Variants in NUP214 observed in about 807,000 individuals in gnomAD.
NUP214 encodes the protein nuclear pore complex protein Nup214.
NUP214 carries 79 observed loss-of-function variants against 196.2 expected under a neutral mutation model. The ratio of observed to expected loss-of-function variants is 0.40; its 90% CI spans 0.34 to 0.49. NUP214 has a LOEUF of 0.49. Ranked by LOEUF, NUP214 falls within the 20% of genes least tolerant of loss-of-function variation. The probability of loss-of-function intolerance (pLI) is 0.58; values close to 1 mark genes in which losing one functional copy is unlikely to be tolerated. For synonymous variants in NUP214, 1,020 were observed against 990.5 expected, an observed-to-expected ratio of 1.03 and a Z score of -0.56; for missense variants, 2,468 against 2,539.0, an observed-to-expected ratio of 0.97 and a Z score of 0.60.
chr9:131,188,950 G>T (rs1419518471), intron 25 of NUP214, 103 bp from the exon 26 acceptor site: 12 of 824,344 alleles, frequency 1.5e-5, no homozygotes, highest in Admixed American at 2.3e-5. Context: ...ATTTGTCCTT[G>T]CTTATTTTAA....
At chr9:131,141,138 C>CAA (rs5900924) in intron 11 of NUP214, among the ~76,000 whole-genome samples, 2,797 of 132,580 alleles carry the variant, frequency 0.021, 81 homozygotes, top group African/African-American at 0.07. Context: ...AATACATCAC[C>CAA]AAAAAAAAAA....
At chr9:131,139,230 CTTT>C (rs1831832413) in intron 9 of NUP214, 48 bp from the exon 10 acceptor site, 1 of 1,425,588 alleles carries the variant, frequency 7.0e-7, no homozygotes, top group South Asian at 1.5e-5. Flanking sequence ...ACCAACATGG[CTTT>C]TTCTTTTTTC....
chr9:131,146,745 C>G lies in NUP214; in HGVS notation c.1945+441C>G, dbSNP rs1486617140. 6.6e-6 allele frequency among the ~76,000 whole-genome samples: 1 copy of G among 152,126 alleles called. No individual in the cohort carries two copies. Among genetic ancestry groups the G allele is most frequent in the Non-Finnish European group, 1.5e-5 (1 of 68,022 alleles). On this transcript the variant is annotated intron_variant, in intron 13 of 35. Coordinates refer to ENST00000359428, the MANE Select transcript of NUP214 (RefSeq NM_005085.4). This position sits in a 1 kb window ranked among gnomAD's most constrained non-coding sequence, Gnocchi z 4.6. ...AGGAGTTCGAGACCAGCCTGGCCAA[C>G]ATGGCAAAACCCCATCTCTACTAAA... is the stretch of plus-strand genomic sequence containing the variant.
chr9:131,171,088 C>T, intron 21 of NUP214, among the ~76,000 whole-genome samples: 1 of 152,102 alleles, frequency 6.6e-6, no homozygotes, highest in East Asian at 1.9e-4. Flanking sequence ...TTTCTAATGC[C>T]AGGCAGTTAG....
intron 19 of NUP214, chr9:131,163,411 T>G: frequency 2.0e-6 from 1 of 498,304 alleles, no homozygotes; most frequent in Non-Finnish European, 3.5e-6. Flanking sequence ...ATTACACTGA[T>G]GAAATGGGTG....
intron 4 of NUP214, among the ~76,000 whole-genome samples, chr9:131,130,105 T>G (rs1421064706): frequency 1.3e-5 from 2 of 149,872 alleles, no homozygotes; most frequent in Non-Finnish European, 3.0e-5. Context: ...TTTTAAATAT[T>G]AAATGGGAGC....
chr9:131,183,002 T>G (rs867506103), intron 24 of NUP214, among the ~76,000 whole-genome samples: 1 of 152,328 alleles, frequency 6.6e-6, no homozygotes, highest in Middle Eastern at 3.4e-3. Flanking sequence ...ATTTTCTCCC[T>G]TCACCACCTT....
At chr9:131,233,307 G>T in intron 35 of NUP214, 147 bp from the exon 36 acceptor site, 1 of 726,620 alleles carries the variant, frequency 1.4e-6, no homozygotes, top group Non-Finnish European at 2.1e-6. Context: ...CTGCACTCCA[G>T]CCTGGGCAAT....
Position 131,206,647 on chromosome 9 carries a change from T to G in NUP214, c.5592+4930T>G, listed in dbSNP as rs556825155. ...TTGTAGAGATGGGGTCTCACCGTATTGTCTAGGCTGGTCTGTAACTCCTGG... is the reference window on the plus strand; with the variant it reads ...TTGTAGAGATGGGGTCTCACCGTATGGTCTAGGCTGGTCTGTAACTCCTGG... On this transcript the variant is annotated intron_variant, in intron 30 of 35. Coordinates refer to ENST00000359428, the MANE Select transcript of NUP214 (RefSeq NM_005085.4). Among the ~76,000 whole-genome samples the G allele has an allele frequency of 3.7e-4, 57 of 152,164 alleles. 1 individual carries two copies. Among genetic ancestry groups the G allele is most frequent in the South Asian group, 1.2e-3 (6 of 4,818 alleles).
chr9:131,165,517 A>G (rs895500311), intron 21 of NUP214, among the ~76,000 whole-genome samples: 3 of 152,164 alleles, frequency 2.0e-5, no homozygotes, highest in East Asian at 1.9e-4. Flanking sequence ...TTTGTGCACT[A>G]TTGGTGGGAA....
chr9:131,131,720 G>A (rs762944630), intron 5 of NUP214, among the ~76,000 whole-genome samples: 4 of 151,876 alleles, frequency 2.6e-5, no homozygotes, highest in Admixed American at 6.6e-5. Context: ...GTCTTGCTCT[G>A]TTGCCCAGGC....
In NUP214 at chr9:131,128,520, C is replaced by T. The variant is rs755766048; in HGVS notation, c.393+37C>T. 3.2e-6 allele frequency: 5 copies of T among 1,539,476 alleles called. No homozygotes were observed. The Admixed American group carries it at 9.5e-5, about 29-fold the overall frequency. ...TTATACTGTGATGTCAACATGAGAA[C>T]CCTAAGCAGATTTCCTTGTATTGAA... On this transcript the variant is annotated intron_variant, in intron 3 of 35. Coordinates refer to ENST00000359428, the MANE Select transcript of NUP214 (RefSeq NM_005085.4).
Position 131,146,145 on chromosome 9 carries a change from A to G in NUP214, c.1786A>G (p.Thr596Ala), listed in dbSNP as rs1214734256. The change falls in exon 13 of 36, where the codon ACC becomes GCC. Residue 596 changes from threonine to alanine, a missense_variant. By Grantham distance (58) the Thr-to-Ala change is moderately conservative (BLOSUM62 0). This residue lies in a region of NUP214 where 1,801 missense variants were observed against 1,779.4 expected (regional missense o/e 1.01). Transcript: ENST00000359428. This position sits in a 1 kb window ranked among gnomAD's most constrained non-coding sequence, Gnocchi z 4.6. ...NLSEKFTAAA[T>A]STPVSSSQSA... Reference sequence around the variant, plus strand: ...ATTTTTCAGGTTTACTGCTGCAGCTACCTCTACTCCTGTTAGTAGCTCCCA... The same window carrying G: ...ATTTTTCAGGTTTACTGCTGCAGCTGCCTCTACTCCTGTTAGTAGCTCCCA... The G allele has an allele frequency of 2.5e-6, 4 of 1,613,914 alleles. No homozygotes were observed. Among genetic ancestry groups the G allele is most frequent in the Admixed American group, 1.7e-5 (1 of 59,984 alleles).
rs547605944 is a variant in NUP214 at position 131,156,574 on chromosome 9, C to CT, written c.2437-2798dup. 8.1e-4 allele frequency among the ~76,000 whole-genome samples: 102 copies of CT among 125,864 alleles called. 1 individual carries two copies. Among genetic ancestry groups the CT allele is most frequent in the East Asian group, 2.6e-3 (11 of 4,224 alleles). The allele number at this position is 125,864 out of a possible 152,430, so 82.6% of individuals were successfully genotyped here. On this transcript the variant is annotated intron_variant, in intron 17 of 35. Transcript: ENST00000359428. ...ATTCCTAAGTTTTTTTTTTTTTGTT[C>CT]TTTTTTTTTTTGCAGCTATTATAAA...
intron 17 of NUP214, among the ~76,000 whole-genome samples, chr9:131,154,334 T>C (rs979860390): frequency 1.2e-4 from 19 of 152,286 alleles, no homozygotes; most frequent in African/African-American, 4.3e-4. Context: ...ATCCAAGCAG[T>C]GTACACTGTA....
At chr9:131,157,232 A>C (rs1832480091) in intron 17 of NUP214, among the ~76,000 whole-genome samples, 1 of 151,348 alleles carries the variant, frequency 6.6e-6, no homozygotes, top group African/African-American at 2.4e-5. Flanking sequence ...GCACGATCCT[A>C]GCTCACTGCA....
At chr9:131,142,541 A>G (rs760371313) in intron 11 of NUP214, among the ~76,000 whole-genome samples, 5 of 152,246 alleles carry the variant, frequency 3.3e-5, no homozygotes, top group African/African-American at 4.8e-5. Flanking sequence ...TAGTAGTAGC[A>G]TGATGGTTTT....
chr9:131,167,558 C>T (rs1316665308), intron 21 of NUP214: 2 of 152,080 alleles, frequency 1.3e-5, no homozygotes, highest in East Asian at 1.9e-4. Flanking sequence ...CTCTGCCAGG[C>T]GGTTTTACTA....
intron 17 of NUP214, among the ~76,000 whole-genome samples, chr9:131,153,899 A>C (rs1019564850): frequency 3.3e-5 from 5 of 152,214 alleles, no homozygotes; most frequent in Non-Finnish European, 7.3e-5. Context: ...ACGAACATGT[A>C]AATGTAGTGT....
Sources: allele counts gnomAD v4.1 joint callset (sites outside exome capture counted in the v4.1 genomes callset), GRCh38; gene constraint gnomAD v4.1.1; regional missense constraint gnomAD v4.1.1; non-coding constraint Gnocchi (gnomAD v3.1); transcripts MANE v1.5; gene names NCBI Gene and HGNC (gene_info 2026-07-23, HGNC 2026-07-21).